XXYLT1: variants seen among roughly 807,000 people sequenced by gnomAD.
The protein encoded by XXYLT1 is xyloside xylosyltransferase 1, also known as UDP-xylose:alpha-xyloside alpha-1,3-xylosyltransferase.
In XXYLT1, 20 loss-of-function variants were observed where a neutral mutation model predicts 28.9. The observed-to-expected ratio is 0.69, with a 90% CI of 0.49 to 1.00. XXYLT1 has a LOEUF of 1.00. Ranked by LOEUF, XXYLT1 falls within the 50% of genes least tolerant of loss-of-function variation. The pLI is 0.00. For missense variants in XXYLT1, 542 were observed against 560.1 expected, an observed-to-expected ratio of 0.97 and a Z score of 0.33; for synonymous variants, 257 against 253.8, an observed-to-expected ratio of 1.01 and a Z score of -0.12.
intron 3 of XXYLT1, among the ~76,000 whole-genome samples, chr3:195,112,135 C>T (rs1362610400): frequency 6.6e-6 from 1 of 152,188 alleles, no homozygotes; most frequent in Admixed American, 6.5e-5. Flanking sequence ...TTAAAACCCA[C>T]GAGACCATTT....
At chr3:195,267,522 T>C (rs1725881076) in intron 1 of XXYLT1, among the ~76,000 whole-genome samples, 1 of 152,208 alleles carries the variant, frequency 6.6e-6, no homozygotes, top group Admixed American at 6.5e-5. Context: ...GAAATTCTAG[T>C]TTCCTTCTTC....
chr3:195,242,426 C>T (rs1489363378), intron 1 of XXYLT1, among the ~76,000 whole-genome samples: 4 of 152,132 alleles, frequency 2.6e-5, no homozygotes, highest in Non-Finnish European at 4.4e-5. Context: ...ACTACTGATA[C>T]GACTTTGATG....
intron 2 of XXYLT1, among the ~76,000 whole-genome samples, chr3:195,174,294 C>T (rs1721551372): frequency 6.6e-6 from 1 of 152,148 alleles, no homozygotes; most frequent in Admixed American, 6.5e-5. Context: ...CTCTTCCTCA[C>T]AGCAGCCTAC....
In XXYLT1 at chr3:195,226,889, C is replaced by T. The variant is rs77035200; in HGVS notation, c.505-33G>A. 8,865 of 1,606,712 alleles carry T rather than the reference C, an allele frequency of 5.5e-3. 399 individuals carry two copies. The African/African-American group carries it at 0.1, about 18-fold the overall frequency. On this transcript the variant is annotated intron_variant, in intron 1 of 3. Coordinates refer to ENST00000310380, the MANE Select transcript of XXYLT1 (RefSeq NM_152531.5). ...AGGTGCAAAAAAAACCAAGGCTCAG[C>T]AAACCAGTTCTCACTGCAAGCTCAA... is the stretch of plus-strand genomic sequence containing the variant.
At chr3:195,264,623 C>T (rs1453587510) in intron 1 of XXYLT1, among the ~76,000 whole-genome samples, 1 of 152,240 alleles carries the variant, frequency 6.6e-6, no homozygotes, top group East Asian at 1.9e-4. Flanking sequence ...CCTATACATT[C>T]CCTGCAACCC....
chr3:195,161,889 AT>A (rs1165471730), intron 2 of XXYLT1, among the ~76,000 whole-genome samples: 1 of 152,050 alleles, frequency 6.6e-6, no homozygotes, highest in African/African-American at 2.4e-5. Context: ...AAGTGCTAGG[AT>A]TACAGGTGTG....
chr3:195,183,455 CCT>C (rs906456508), intron 2 of XXYLT1: 2 of 152,160 alleles, frequency 1.3e-5, no homozygotes, highest in African/African-American at 4.8e-5. Flanking sequence ...TGAGTCGAAA[CCT>C]CTTTCATTTA....
intron 2 of XXYLT1, among the ~76,000 whole-genome samples, chr3:195,200,579 G>T (rs1477094100): frequency 6.6e-6 from 1 of 152,160 alleles, no homozygotes; most frequent in Non-Finnish European, 1.5e-5. Context: ...AAGGGCTTTG[G>T]CGACCAGGGT....
intron 1 of XXYLT1, among the ~76,000 whole-genome samples, chr3:195,248,797 G>A (rs565578253): frequency 8.2e-4 from 125 of 152,270 alleles, no homozygotes; most frequent in East Asian, 1.2e-3. Context: ...GCAGGCACCT[G>A]TAATCCCAGC....
intron 3 of XXYLT1, among the ~76,000 whole-genome samples, chr3:195,075,269 T>C (rs1016260365): frequency 3.9e-5 from 6 of 152,086 alleles, no homozygotes; most frequent in African/African-American, 1.4e-4. Context: ...AAAGAATAAG[T>C]GTTCCTAACG....
intron 1 of XXYLT1, among the ~76,000 whole-genome samples, chr3:195,260,316 G>A (rs941754047): frequency 4.6e-5 from 7 of 152,032 alleles, no homozygotes; most frequent in African/African-American, 1.7e-4. Flanking sequence ...CCCGACGCCC[G>A]CGGCCCCTCC....
intron 2 of XXYLT1, among the ~76,000 whole-genome samples, chr3:195,192,240 T>C (rs781610079): frequency 1.3e-5 from 2 of 151,982 alleles, no homozygotes; most frequent in African/African-American, 2.4e-5. Context: ...CTGGCCAACA[T>C]GGTGAAACCC....
At position 195,119,689 on chromosome 3, in the gene XXYLT1, G is replaced by A. The variant is rs530189747; in HGVS notation, c.785+36760C>T. 1.6e-4 allele frequency among the ~76,000 whole-genome samples: 24 copies of A among 152,206 alleles called. No homozygotes were observed. In the South Asian group the frequency reaches 1.9e-3, roughly 12 times the overall value. ...AGAGGAGGCCTCCGAGGGCTGTTTC[G>A]TCCTCACTCCGCAGAACAATGCTGA... On this transcript the variant is annotated intron_variant, in intron 3 of 3. Transcript: ENST00000310380.
chr3:195,110,638 A>G (rs111067015), intron 3 of XXYLT1, among the ~76,000 whole-genome samples: 2,451 of 8,968 alleles, frequency 0.27, 860 homozygotes, highest in African/African-American at 0.58. Context: ...GTGGTGTGTG[A>G]TGTATAAGTG....
chr3:195,192,715 C>T (rs1389285890), intron 2 of XXYLT1, among the ~76,000 whole-genome samples: 3 of 152,158 alleles, frequency 2.0e-5, no homozygotes, highest in Non-Finnish European at 4.4e-5. Context: ...AAGGCAAGGA[C>T]GTCTGCTATT....
intron 1 of XXYLT1, among the ~76,000 whole-genome samples, chr3:195,227,862 G>A (rs1411884876): frequency 1.3e-5 from 2 of 152,216 alleles, no homozygotes; most frequent in Non-Finnish European, 2.9e-5. Flanking sequence ...ACGCGATCCT[G>A]AGTTGGGTTT....
At chr3:195,185,771 G>A (rs1345151684) in intron 2 of XXYLT1, among the ~76,000 whole-genome samples, 2 of 151,942 alleles carry the variant, frequency 1.3e-5, no homozygotes, top group Non-Finnish European at 2.9e-5. Context: ...GCTTGCAAGT[G>A]AGCCCAACCC....
chr3:195,219,820 G>A (rs1053789441), intron 2 of XXYLT1, among the ~76,000 whole-genome samples: 2 of 152,346 alleles, frequency 1.3e-5, no homozygotes. Flanking sequence ...GAGGCCAGGA[G>A]AGCTGGATGG....
At chr3:195,172,943 T>A (rs879862070) in intron 2 of XXYLT1, among the ~76,000 whole-genome samples, 9 of 152,156 alleles carry the variant, frequency 5.9e-5, no homozygotes, top group Admixed American at 2.0e-4. Flanking sequence ...AGAAAGGTAC[T>A]AAAGCTTAAA....
Sources: gnomAD v4.1 joint callset for allele counts (sites outside exome capture counted in the v4.1 genomes callset) on GRCh38, gnomAD v4.1.1 for gene constraint, MANE v1.5 for transcripts, NCBI Gene and HGNC (gene_info 2026-07-23, HGNC 2026-07-21) for gene names.